PHF14: variants seen among roughly 807,000 people sequenced by gnomAD.
PHF14 encodes the protein PHD finger protein 14.
A neutral mutation model predicts 117.9 loss-of-function variants in PHF14; 55 were observed. That is an observed-to-expected ratio of 0.47 (90% CI 0.38 to 0.58). PHF14 has a LOEUF of 0.58. PHF14 is among the 20% of genes least tolerant of loss of function. The probability of loss-of-function intolerance (pLI) is 0.00; values close to 1 mark genes in which losing one functional copy is unlikely to be tolerated. For missense variants in PHF14, 978 were observed against 1,122.2 expected, an observed-to-expected ratio of 0.87 and a Z score of 1.84; for synonymous variants, 409 against 368.6, an observed-to-expected ratio of 1.11 and a Z score of -1.26.
chr7:11,096,973 C>CTTTTTTTTTT (rs899756252), intron 16 of PHF14, among the ~76,000 whole-genome samples: 2 of 108,586 alleles, frequency 1.8e-5, no homozygotes, highest in Non-Finnish European at 3.6e-5. Flanking sequence ...TAGACTAGAA[C>CTTTTTTTTTT]TTTTTTTTTT....
chr7:10,980,074 G>C (rs1211904029), intron 2 of PHF14, among the ~76,000 whole-genome samples: 1 of 151,924 alleles, frequency 6.6e-6, no homozygotes, highest in East Asian at 1.9e-4. Context: ...TAATTAATTG[G>C]CATTGGCAAC....
intron 16 of PHF14, among the ~76,000 whole-genome samples, chr7:11,079,422 A>G (rs1487640204): frequency 6.6e-6 from 1 of 152,190 alleles, no homozygotes; most frequent in Non-Finnish European, 1.5e-5. Context: ...TAGAGGAAAA[A>G]GCCATTCGTA....
At chr7:11,106,364 A>G (rs1787264327) in intron 16 of PHF14, 1 of 978,698 alleles carries the variant, frequency 1.0e-6, no homozygotes, top group Non-Finnish European at 1.2e-6. Flanking sequence ...AATAGGTTCA[A>G]GCCCTCCACG....
chr7:11,137,196 T>C (rs747908920), intron 17 of PHF14, among the ~76,000 whole-genome samples: 4 of 152,182 alleles, frequency 2.6e-5, no homozygotes, highest in Non-Finnish European at 5.9e-5. Context: ...ACAGAAAATA[T>C]ATACAAAATT....
chr7:11,070,236 C>G (rs148879290), intron 16 of PHF14, among the ~76,000 whole-genome samples: 1 of 152,270 alleles, frequency 6.6e-6, no homozygotes, highest in African/African-American at 2.4e-5. Context: ...CGCCACCATG[C>G]CCAGCTGATT....
chr7:11,013,752 T>C lies in PHF14; in HGVS notation c.1051T>C (p.Tyr351His). ...NCGITVHEGC[Y>H]GVDGESDSIM... is the part of the protein sequence containing the mutation. ...AGTGTTTTTGTTTTTTTTAGGTTGT[T>C]ATGGAGTTGATGGAGAGAGTGACTC... is the stretch of plus-strand genomic sequence containing the variant. The change falls in exon 5 of 18, where the codon TAT becomes CAT. Residue 351 changes from tyrosine to histidine, a missense_variant. Physicochemically the swap from Tyr to His is moderately conservative, Grantham distance 83 (BLOSUM62 2). Coordinates refer to ENST00000634607, the MANE Select transcript of PHF14 (RefSeq NM_001007157.2). 6.5e-7 allele frequency: 1 copy of C among 1,549,234 alleles called. No homozygotes were observed. The highest frequency in any genetic ancestry group is 8.8e-7 in the Non-Finnish European group (1 of 1,136,024).
chr7:11,157,881 CTT>C (rs1788912742), intron 17 of PHF14, among the ~76,000 whole-genome samples: 1 of 152,104 alleles, frequency 6.6e-6, no homozygotes. Flanking sequence ...TGGCAGGTAA[CTT>C]TATAGTACTA....
At chr7:10,998,579 G>A (rs1287584403) in intron 4 of PHF14, among the ~76,000 whole-genome samples, 1 of 152,128 alleles carries the variant, frequency 6.6e-6, no homozygotes. Flanking sequence ...ACTGAGAAAA[G>A]TAAACATGGT....
rs71023888 is a variant in PHF14 at position 11,089,761 on chromosome 7, CTTTTT to C, written c.2655-21567_2655-21563del. Among the ~76,000 whole-genome samples the C allele has an allele frequency of 1.5e-3, 144 of 97,882 alleles. 1 individual carries two copies. The highest frequency in any genetic ancestry group is 1.6e-3 in the African/African-American group (40 of 25,678). The allele number at this position is 97,882 out of a possible 152,430, so 64.2% of individuals were successfully genotyped here. A position where few individuals can be genotyped will look rare whatever the true frequency, so the allele number is the denominator to read the frequency against. On this transcript the variant is annotated intron_variant, in intron 16 of 17. Coordinates refer to ENST00000634607, the MANE Select transcript of PHF14 (RefSeq NM_001007157.2). The stretch of plus-strand genomic sequence containing the variant: ...TTTAGTGTAGAATTGTTCATGCATT[CTTTTT>C]TTTTTTTTTTTTTTTTTTTTTGAGA...
chr7:10,990,546 AAATAT>A (rs1028596252), intron 3 of PHF14, among the ~76,000 whole-genome samples, 152 bp from the exon 4 acceptor site: 37 of 152,256 alleles, frequency 2.4e-4, no homozygotes, highest in African/African-American at 7.5e-4. Flanking sequence ...TATATTTCTC[AAATAT>A]AATGTACTTT....
chr7:10,983,687 T>C (rs1782122736), intron 3 of PHF14, among the ~76,000 whole-genome samples: 1 of 152,188 alleles, frequency 6.6e-6, no homozygotes. Flanking sequence ...AGTCACCAAA[T>C]CTTTGCTTTA....
chr7:11,003,986 G>A (rs537930900), intron 4 of PHF14, among the ~76,000 whole-genome samples: 3 of 152,142 alleles, frequency 2.0e-5, no homozygotes, highest in African/African-American at 7.2e-5. Flanking sequence ...GGTGGCTCAC[G>A]CTTGTAATCC....
chr7:11,095,001 G>C (rs868815491), intron 16 of PHF14, among the ~76,000 whole-genome samples: 2 of 151,970 alleles, frequency 1.3e-5, no homozygotes, highest in Non-Finnish European at 2.9e-5. Flanking sequence ...TCTAGCCAGA[G>C]GCAGTTCAAA....
intron 17 of PHF14, among the ~76,000 whole-genome samples, chr7:11,135,150 G>A (rs569294459): frequency 6.6e-6 from 1 of 152,254 alleles, no homozygotes; most frequent in South Asian, 2.1e-4. Context: ...CAGACTTGGA[G>A]TCAAATTATT....
chr7:11,146,863 TAGAGAC>T lies in PHF14; in HGVS notation c.2773-22548_2773-22543del, dbSNP rs894204752. ...GTTTTTATTTACTTATGTATTTATT[TAGAGAC>T]AGAGTCTCACTCTGATACCCAGGCT... On this transcript the variant is annotated intron_variant, in intron 17 of 17. Transcript: ENST00000634607. Among the ~76,000 whole-genome samples the T allele has an allele frequency of 2.6e-5, 4 of 152,300 alleles. No individual in the cohort carries two copies. The East Asian group carries it at 5.8e-4, about 22-fold the overall frequency.
chr7:11,087,390 C>T (rs1028705531), intron 16 of PHF14, among the ~76,000 whole-genome samples: 9 of 152,096 alleles, frequency 5.9e-5, no homozygotes, highest in African/African-American at 1.9e-4. Context: ...CGGGGTATCA[C>T]CATGTTGGCC....
At chr7:11,167,686 C>A (rs914041387) in intron 17 of PHF14, among the ~76,000 whole-genome samples, 3 of 152,166 alleles carry the variant, frequency 2.0e-5, no homozygotes, top group Non-Finnish European at 2.9e-5. Flanking sequence ...CTGAAGAAGA[C>A]AGGGGAAAGT....
At position 10,982,985 on chromosome 7, in the gene PHF14, G is replaced by A; in HGVS notation, c.726G>A (p.Glu242=). 2 of 1,584,538 alleles carry A rather than the reference G, an allele frequency of 1.3e-6. No homozygotes were observed. Among genetic ancestry groups the A allele is most frequent in the South Asian group, 2.3e-5 (2 of 87,910 alleles). The change falls in exon 3 of 18, where the codon GAG becomes GAA. Residue 242 remains glutamate, a synonymous_variant. Transcript: ENST00000634607. The part of the protein sequence containing the change: ...SDGDNEDDED[E]GSGSDEDEND... ...GAGACAATGAGGATGATGAAGATGA[G>A]GGAAGCGGGAGTGATGAAGACGAGA...
At chr7:11,131,070 ATTTG>A (rs1238703196) in intron 17 of PHF14, among the ~76,000 whole-genome samples, 1 of 151,792 alleles carries the variant, frequency 6.6e-6, no homozygotes, top group Non-Finnish European at 1.5e-5. Flanking sequence ...TACGTGTAAA[ATTTG>A]TTTGTTTTGT....
Sources: gnomAD v4.1 joint callset for allele counts (sites outside exome capture counted in the v4.1 genomes callset) on GRCh38, gnomAD v4.1.1 for gene constraint, MANE v1.5 for transcripts, NCBI Gene and HGNC (gene_info 2026-07-23, HGNC 2026-07-21) for gene names.